SLC49A3: variants seen among roughly 807,000 people sequenced by gnomAD.
SLC49A3 encodes the protein solute carrier family 49 member A3.
A neutral mutation model predicts 43.8 loss-of-function variants in SLC49A3; 50 were observed. The ratio of observed to expected loss-of-function variants is 1.14; its 90% confidence interval spans 0.91 to 1.45. The LOEUF (loss-of-function observed/expected upper bound fraction) is 1.45. SLC49A3 is among the 40% of genes most tolerant of loss of function. The pLI, the probability that SLC49A3 is intolerant of heterozygous loss-of-function variation, is 0.00. For synonymous variants in SLC49A3, 413 were observed against 352.0 expected (o/e 1.17, Z -1.94); for missense variants, 906 against 774.1 (o/e 1.17, Z -2.02).
At chr4:683,093 G>T in intron 8 of SLC49A3, 117 bp downstream of exon 8, 1 of 1,387,616 alleles carries the variant, frequency 7.2e-7, no homozygotes, top group Non-Finnish European at 9.9e-7. Flanking sequence ...TGCCAGAGCA[G>T]GCAGGTTCCC....
At position 683,656 on chromosome 4, in the gene SLC49A3, T is replaced by C; in HGVS notation, c.946A>G (p.Lys316Glu). The C allele has an allele frequency of 6.2e-7, 1 of 1,612,170 alleles. No individual in the cohort carries two copies. The highest frequency in any genetic ancestry group is 8.5e-7 in the Non-Finnish European group (1 of 1,179,644). The change falls in exon 7 of 10, where the codon AAG (lysine) becomes GAG (glutamate). Residue 316 changes from lysine (K) to glutamate (E), a missense_variant. Coordinates refer to ENST00000322224, the MANE Select transcript of SLC49A3 (RefSeq NM_032219.4). ...AGAGAGAACAGGCACAGGCCAATCT[T>C]GGTGGCCTCAGTGAAGTGCTTGGTC... ...DRTKHFTEAT[K>E]IGLCLFSLAC...
Position 686,162 on chromosome 4 carries a change from G to T in SLC49A3, c.435C>A (p.Phe145Leu). ...LCALAQSLVI[F>L]SPAKLAALWF... ...ACAAGGCAGCCAGCTTGGCTGGAGAGAAGATGACCAGGCTCTGGGCAAGGG... is the reference window on the plus strand; with the variant it reads ...ACAAGGCAGCCAGCTTGGCTGGAGATAAGATGACCAGGCTCTGGGCAAGGG... The change falls in exon 3 of 10, where the codon TTC (phenylalanine) becomes TTA (leucine). Residue 145 changes from phenylalanine to leucine, a missense_variant. Coordinates refer to ENST00000322224, the MANE Select transcript of SLC49A3 (RefSeq NM_032219.4). 1.2e-6 allele frequency: 2 copies of T among 1,613,404 alleles called. No homozygotes were observed. The highest frequency in any genetic ancestry group is 2.2e-5 in the South Asian group (2 of 91,092).
chr4:684,695 C>T, intron 5 of SLC49A3, 24 bp downstream of exon 5: 3 of 1,606,904 alleles, frequency 1.9e-6, no homozygotes, highest in Middle Eastern at 1.7e-4. Flanking sequence ...ATCCACCCTA[C>T]CCCGGGGATC....
At chr4:677,034 G>A (rs1473691662), downstream of SLC49A3, 5 of 596,668 alleles carry the variant, frequency 8.4e-6, no homozygotes, top group African/African-American at 2.0e-5. Flanking sequence ...TTGCAGACAC[G>A]GTGGCGCCCC....
intron 8 of SLC49A3, 43 bp downstream of exon 8, chr4:683,167 G>A: frequency 6.2e-7 from 1 of 1,611,176 alleles, no homozygotes; most frequent in South Asian, 1.1e-5. Context: ...GTGGAGCAAG[G>A]GGAGTATCTC....
downstream of SLC49A3, chr4:678,553 G>T: frequency 6.7e-7 from 1 of 1,487,804 alleles, no homozygotes; most frequent in Non-Finnish European, 8.9e-7. Flanking sequence ...AGCCCGAAGG[G>T]CTGAGGTCCA....
rs1740640957 is a variant in SLC49A3, at chr4:684,756, C to G, written c.686G>C (p.Ser229Thr). 6.2e-7 allele frequency: 1 copy of G among 1,612,008 alleles called. No homozygotes were observed. The highest frequency in any genetic ancestry group is 8.5e-7 in the Non-Finnish European group (1 of 1,179,718). ...ATCCAGGAACTTCTCTGAGGTGGAG[C>G]TGGCAGCCCCGGCAGAGGGCGGGGT... Reference protein sequence around the residue: ...PPTPPSAGAASSTSEKFLDGL... With the variant: ...PPTPPSAGAATSTSEKFLDGL... Residue 229 changes from serine to threonine, a missense_variant, in exon 5 of 10, where the codon AGC becomes ACC. Transcript: ENST00000322224.
rs902427902 is a variant in SLC49A3, at chr4:682,204, C to G, written c.1434G>C (p.Arg478Ser). Residue 478 changes from arginine to serine, a missense_variant, in exon 10 of 10, where the codon AGG (arginine) becomes AGC (serine). Physicochemically the swap from Arg to Ser is moderately radical, Grantham distance 110. Transcript: ENST00000322224. ...GPGVDRGGAG[R>S]AGVLGPSTAT... ...CCGTGCTGGGCCCCAGGACCCCAGC[C>G]CTTCCTGCTCCCCCTCGGTCCACAC... 4 of 1,368,132 alleles carry G rather than the reference C, an allele frequency of 2.9e-6. No individual in the cohort carries two copies. In the African/African-American group the frequency reaches 4.5e-5, roughly 15 times the overall value. 84.7% of individuals were successfully genotyped at this position (1,368,132 alleles called of 1,614,324 possible). A position where few individuals can be genotyped will look rare whatever the true frequency, so the allele number is the denominator to read the frequency against.
In SLC49A3 at chr4:683,340, C is replaced by CA. The variant is rs1740230769; in HGVS notation, c.1020dup (p.Ala341CysfsTer78). The CA allele has an allele frequency of 6.2e-7, 1 of 1,611,964 alleles. No homozygotes were observed. Among genetic ancestry groups the CA allele is most frequent in the Admixed American group, 1.7e-5 (1 of 59,934 alleles). On this transcript the variant is annotated frameshift_variant, in exon 8 of 10. Coordinates refer to ENST00000322224, the MANE Select transcript of SLC49A3 (RefSeq NM_032219.4). LOFTEE classifies it high-confidence loss of function. ...AGCAGCGAGCAGGTGGCAGCCAGGG[C>CA]AAGGGTCTGTCCCTGCAGCTGGGAC...
At chr4:679,917 A>T, downstream of SLC49A3, 2 of 1,613,698 alleles carry the variant, frequency 1.2e-6, no homozygotes, top group South Asian at 2.2e-5. Flanking sequence ...GTAACAGGCA[A>T]GACCAACGTC....
At chr4:677,991 C>T (rs776846227), downstream of SLC49A3, 6 of 1,613,334 alleles carry the variant, frequency 3.7e-6, no homozygotes, top group East Asian at 8.9e-5. Context: ...AGACCTGGGG[C>T]CCTGGGCAGA....
chr4:677,894 TG>T, downstream of SLC49A3: 2 of 1,504,254 alleles, frequency 1.3e-6, no homozygotes, highest in Non-Finnish European at 1.8e-6. Context: ...TCCAGTCCCC[TG>T]GGGTAGCCCC....
rs373173382 is a variant in SLC49A3 at position 686,522 on chromosome 4, T to A, written c.294+10A>T. 175 of 1,610,658 alleles carry A rather than the reference T, an allele frequency of 1.1e-4. No individual in the cohort carries two copies. The African/African-American group carries it at 2.1e-3, about 19-fold the overall frequency. ...TCCCGGAGCGGGCCATGGTGTGGGG[T>A]CTGACTCACCGCCGCACGGAGCCCG... On this transcript the variant is annotated intron_variant, in intron 2 of 9. Coordinates refer to ENST00000322224, the MANE Select transcript of SLC49A3 (RefSeq NM_032219.4).
At chr4:684,674 C>T in intron 5 of SLC49A3, 45 bp downstream of exon 5, 2 of 1,605,782 alleles carry the variant, frequency 1.2e-6, no homozygotes, top group Non-Finnish European at 1.7e-6. Flanking sequence ...GCCTCTTGCC[C>T]CCACCCCCAA....
chr4:687,877 G>C (rs569429771), intron 1 of SLC49A3: 1 of 152,366 alleles, frequency 6.6e-6, no homozygotes. Flanking sequence ...CCAGCCTCAA[G>C]GGCACTTGGC....
chr4:686,867 C>T (rs771084592), intron 1 of SLC49A3, among the ~76,000 whole-genome samples, 177 bp from the exon 2 acceptor site: 2 of 152,196 alleles, frequency 1.3e-5, no homozygotes, highest in Admixed American at 6.5e-5. Context: ...CCCCCGAGGG[C>T]GGGCACCCAG....
Position 685,803 on chromosome 4 carries a change from A to G in SLC49A3, c.585+32T>C, listed in dbSNP as rs188189179. 535 of 1,611,554 alleles carry G rather than the reference A, an allele frequency of 3.3e-4. 3 individuals carry two copies. The African/African-American group carries it at 6.1e-3, about 18-fold the overall frequency. ...AGACGTGCATGCGCACACACCACAC[A>G]GACCAGGCACGGGCGTCTCATGACC... On this transcript the variant is annotated intron_variant, in intron 4 of 9. Coordinates refer to ENST00000322224, the MANE Select transcript of SLC49A3 (RefSeq NM_032219.4). This position sits in a 1 kb window ranked among gnomAD's most constrained non-coding sequence, Gnocchi z 4.3.
At chr4:687,089 C>T (rs1463729401) in intron 1 of SLC49A3, among the ~76,000 whole-genome samples, 1 of 152,230 alleles carries the variant, frequency 6.6e-6, no homozygotes, top group Non-Finnish European at 1.5e-5. Context: ...TTCCCTCCTG[C>T]AGGGCCCAGG....
chr4:689,408 G>C (rs1300768302), upstream of SLC49A3: 1 of 260,758 alleles, frequency 3.8e-6, no homozygotes, highest in African/African-American at 2.2e-5. Context: ...TCCCTTCCGG[G>C]AAGGGCCCCG....
Sources: allele counts gnomAD v4.1 joint callset (sites outside exome capture counted in the v4.1 genomes callset), GRCh38; gene constraint gnomAD v4.1.1; non-coding constraint Gnocchi (gnomAD v3.1); transcripts MANE v1.5; gene names NCBI Gene and HGNC (gene_info 2026-07-23, HGNC 2026-07-21).